Variants in MAPK4 observed in about 807,000 individuals in gnomAD.
MAPK4 encodes the protein Erk3-related.
Under a neutral mutation model 47.7 loss-of-function variants are expected in MAPK4, and 22 were observed. The observed-to-expected ratio is 0.46, with a 90% CI of 0.33 to 0.66. The LOEUF (loss-of-function observed/expected upper bound fraction) is 0.66, where lower values mean the gene tolerates loss of function less well. Ranked by LOEUF, MAPK4 falls within the 30% of genes least tolerant of loss-of-function variation. The pLI, the probability that MAPK4 is intolerant of heterozygous loss-of-function variation, is 0.02. For synonymous variants in MAPK4, 390 were observed against 365.7 expected (o/e 1.07, Z -0.76); for missense variants, 736 against 831.7 (o/e 0.88, Z 1.42).
chr18:50,566,625 A>G (rs1007975503), intron 1 of MAPK4, among the ~76,000 whole-genome samples: 3 of 152,232 alleles, frequency 2.0e-5, no homozygotes, highest in Non-Finnish European at 4.4e-5. Context: ...ATTCGAACTG[A>G]TTACATCTAT....
intron 1 of MAPK4, among the ~76,000 whole-genome samples, chr18:50,596,643 CATG>C (rs1221668571): frequency 6.6e-6 from 1 of 152,160 alleles, no homozygotes; most frequent in African/African-American, 2.4e-5. Flanking sequence ...CCATAAGGTG[CATG>C]ATGCTATTCT....
At chr18:50,600,905 C>G (rs1320572950) in intron 1 of MAPK4, among the ~76,000 whole-genome samples, 4 of 151,296 alleles carry the variant, frequency 2.6e-5, no homozygotes, top group Non-Finnish European at 1.5e-5. Context: ...CTGTTCATTC[C>G]TTGTTCATAA....
At chr18:50,599,531 G>T (rs1176660125) in intron 1 of MAPK4, among the ~76,000 whole-genome samples, 4 of 152,106 alleles carry the variant, frequency 2.6e-5, no homozygotes, top group African/African-American at 9.7e-5. Flanking sequence ...CAATTCTCGT[G>T]CCTCAGCCTC....
At chr18:50,597,793 G>C (rs1312416971) in intron 1 of MAPK4, among the ~76,000 whole-genome samples, 1 of 152,172 alleles carries the variant, frequency 6.6e-6, no homozygotes, top group Non-Finnish European at 1.5e-5. Flanking sequence ...ACACTTCTTT[G>C]GGCTGCAAAA....
chr18:50,574,646 T>A (rs2042279155), intron 1 of MAPK4, among the ~76,000 whole-genome samples: 2 of 152,188 alleles, frequency 1.3e-5, no homozygotes, highest in Non-Finnish European at 2.9e-5. Context: ...AAATTAAAAC[T>A]ACAAATGTGA....
intron 2 of MAPK4, among the ~76,000 whole-genome samples, chr18:50,673,629 C>T (rs1048735319): frequency 6.6e-6 from 1 of 152,000 alleles, no homozygotes; most frequent in Non-Finnish European, 1.5e-5. Flanking sequence ...CCGAGGCAGG[C>T]GGATCACCTG....
At chr18:50,712,343 C>T (rs948569384) in intron 2 of MAPK4, among the ~76,000 whole-genome samples, 2 of 152,056 alleles carry the variant, frequency 1.3e-5, no homozygotes, top group Non-Finnish European at 2.9e-5. Flanking sequence ...GGGAGGGTCC[C>T]GTGAGCCTGG....
intron 1 of MAPK4, among the ~76,000 whole-genome samples, chr18:50,563,188 C>T (rs539216275): frequency 1.3e-5 from 2 of 152,106 alleles, no homozygotes; most frequent in Admixed American, 6.5e-5. Context: ...TGAATGTGCT[C>T]ATAAGAAAAG....
At chr18:50,684,852 C>A (rs1449504152) in intron 2 of MAPK4, among the ~76,000 whole-genome samples, 2 of 152,110 alleles carry the variant, frequency 1.3e-5, no homozygotes, top group African/African-American at 4.8e-5. Context: ...AGGCTCCAGG[C>A]AGACCCATAG....
chr18:50,607,357 G>T (rs1417520559), intron 1 of MAPK4, among the ~76,000 whole-genome samples: 1 of 152,190 alleles, frequency 6.6e-6, no homozygotes, highest in Admixed American at 6.5e-5. Context: ...TAGGATATGA[G>T]CCCAGATCTT....
intron 4 of MAPK4, among the ~76,000 whole-genome samples, chr18:50,723,299 T>C (rs1420074581): frequency 6.6e-6 from 1 of 152,170 alleles, no homozygotes; most frequent in Non-Finnish European, 1.5e-5. Context: ...AGGAGGTTTT[T>C]CTGGGTCAGG....
At chr18:50,712,166 C>A (rs768894910) in intron 2 of MAPK4, among the ~76,000 whole-genome samples, 41 of 152,208 alleles carry the variant, frequency 2.7e-4, no homozygotes, top group Non-Finnish European at 4.6e-4. Flanking sequence ...GTGGCTCATG[C>A]CTGTAATCCC....
chr18:50,583,880 G>A (rs1568034984), intron 1 of MAPK4, among the ~76,000 whole-genome samples: 5 of 152,154 alleles, frequency 3.3e-5, no homozygotes. Context: ...AGGTGATCTT[G>A]ATGCATTTAA....
intron 1 of MAPK4, among the ~76,000 whole-genome samples, chr18:50,608,729 TTG>T (rs1323644216): frequency 1.3e-5 from 2 of 152,046 alleles, no homozygotes; most frequent in East Asian, 3.9e-4. Flanking sequence ...ATTATTATTT[TTG>T]TTTAGTATTT....
At chr18:50,595,290 A>G (rs962580607) in intron 1 of MAPK4, among the ~76,000 whole-genome samples, 3 of 152,248 alleles carry the variant, frequency 2.0e-5, no homozygotes, top group Non-Finnish European at 2.9e-5. Context: ...GTTGAAATCA[A>G]CCCAAAGTTC....
chr18:50,646,733 A>G (rs1298371287), intron 1 of MAPK4, among the ~76,000 whole-genome samples: 1 of 152,098 alleles, frequency 6.6e-6, no homozygotes, highest in African/African-American at 2.4e-5. Context: ...TCTTTCCTCA[A>G]CTTGATTTTT....
At chr18:50,589,627 C>T (rs369872969) in intron 1 of MAPK4, among the ~76,000 whole-genome samples, 4 of 151,674 alleles carry the variant, frequency 2.6e-5, no homozygotes, top group African/African-American at 9.7e-5. Context: ...ACTCTAAATG[C>T]ATGACCGTGG....
chr18:50,564,902 A>T (rs11082830), intron 1 of MAPK4, among the ~76,000 whole-genome samples: 1 of 151,918 alleles, frequency 6.6e-6, no homozygotes, highest in Non-Finnish European at 1.5e-5. Flanking sequence ...AATTTGATGG[A>T]CCCTCTTTAA....
chr18:50,720,378 A>G (rs1220806119), intron 3 of MAPK4, among the ~76,000 whole-genome samples: 2 of 152,108 alleles, frequency 1.3e-5, no homozygotes, highest in East Asian at 3.9e-4. Flanking sequence ...ACTCATTCCA[A>G]GTATAAATAA....
Sources: gnomAD v4.1 joint callset for allele counts (sites outside exome capture counted in the v4.1 genomes callset) on GRCh38, gnomAD v4.1.1 for gene constraint, MANE v1.5 for transcripts, NCBI Gene and HGNC (gene_info 2026-07-23, HGNC 2026-07-21) for gene names.